The following DMC1 variants were observed in gnomAD, a reference collection of about 807,000 sequenced individuals.
DMC1 encodes DNA meiotic recombinase 1.
A neutral mutation model predicts 50.1 loss-of-function variants in DMC1; 27 were observed. That is an observed-to-expected ratio of 0.54 (90% CI 0.40 to 0.74). The LOEUF is 0.74. Among genes scored for constraint, DMC1 ranks in the 30% least tolerant of loss-of-function variants. DMC1 has a pLI of 0.00. For missense variants in DMC1, 295 were observed against 420.2 expected (o/e 0.70, Z 2.60); for synonymous variants, 148 against 136.1 (o/e 1.09, Z -0.61).
intron 12 of DMC1, among the ~76,000 whole-genome samples, chr22:38,522,730 T>G (rs1182574848): frequency 1.3e-5 from 2 of 152,250 alleles, no homozygotes; most frequent in African/African-American, 4.8e-5. Flanking sequence ...AAGTTGTGCT[T>G]GCTCCATTAA....
downstream of DMC1, among the ~76,000 whole-genome samples, chr22:38,515,193 C>T (rs374323743): frequency 3.4e-4 from 51 of 148,722 alleles, 1 homozygote; most frequent in African/African-American, 1.2e-3. Context: ...AGAAAGTAGC[C>T]GGGGCCAGGT....
At chr22:38,511,668 C>G in the DMC1 span, among the ~76,000 whole-genome samples, 1 of 151,990 alleles carries the variant, frequency 6.6e-6, no homozygotes, top group African/African-American at 2.4e-5. Flanking sequence ...GTGACACGAT[C>G]ACAGCTCACT....
intron 12 of DMC1, among the ~76,000 whole-genome samples, chr22:38,522,228 A>G (rs2090037168): frequency 1.3e-5 from 2 of 150,264 alleles, no homozygotes; most frequent in African/African-American, 2.4e-5. Flanking sequence ...TGGGGTTACA[A>G]GCACGAGCCA....
chr22:38,515,008 C>T (rs561362676), downstream of DMC1, among the ~76,000 whole-genome samples: 52 of 146,918 alleles, frequency 3.5e-4, no homozygotes, highest in East Asian at 7.3e-3. Flanking sequence ...GCTGGGACTA[C>T]AGGTGCCAGC....
chr22:38,563,483 C>G (rs991587036), intron 4 of DMC1, among the ~76,000 whole-genome samples: 1 of 152,030 alleles, frequency 6.6e-6, no homozygotes, highest in Non-Finnish European at 1.5e-5. Flanking sequence ...TTAGAACCAC[C>G]GTATTATGAA....
At chr22:38,523,314 A>G (rs986485262) in intron 12 of DMC1, among the ~76,000 whole-genome samples, 2 of 152,180 alleles carry the variant, frequency 1.3e-5, no homozygotes, top group Non-Finnish European at 2.9e-5. Context: ...AGTTGTCTCT[A>G]TAATGCTTAC....
At chr22:38,529,509 C>T (rs1426678578) in intron 12 of DMC1, among the ~76,000 whole-genome samples, 1 of 152,100 alleles carries the variant, frequency 6.6e-6, no homozygotes, top group Non-Finnish European at 1.5e-5. Flanking sequence ...GAATATTTCA[C>T]TTCTCCCCCT....
intron 5 of DMC1, among the ~76,000 whole-genome samples, chr22:38,557,963 T>A (rs906206062): frequency 1.6e-5 from 2 of 128,966 alleles, no homozygotes; most frequent in Non-Finnish European, 3.3e-5. Flanking sequence ...GTTCTTTTTT[T>A]TTTTTTTTTT....
chr22:38,548,082 T>C (rs767305553), intron 8 of DMC1, among the ~76,000 whole-genome samples: 2 of 152,216 alleles, frequency 1.3e-5, no homozygotes, highest in Non-Finnish European at 2.9e-5. Context: ...CCTCTGTCTC[T>C]GGGTTTCTCA....
Position 38,549,959 on chromosome 22 carries a change from C to T in DMC1, c.460G>A (p.Gly154Arg). The T allele has an allele frequency of 6.2e-7, 1 of 1,613,610 alleles. No homozygotes were observed. The highest frequency in any genetic ancestry group is 8.5e-7 in the Non-Finnish European group (1 of 1,179,730). ...TCTGTATCAATGAAGATAATCTTTCCTCCTGGGTAGCCACCAGCTCCTGGA... is the reference window on the plus strand; with the variant it reads ...TCTGTATCAATGAAGATAATCTTTCTTCCTGGGTAGCCACCAGCTCCTGGA... ...QLPGAGGYPG[G>R]KIIFIDTENT... Residue 154 changes from glycine (G) to arginine (R), a missense_variant, in exon 8 of 14, where the codon GGA (glycine) becomes AGA (arginine). Coordinates refer to ENST00000216024, the MANE Select transcript of DMC1 (RefSeq NM_007068.4).
the DMC1 span, among the ~76,000 whole-genome samples, chr22:38,509,730 C>T: frequency 2.0e-4 from 30 of 151,928 alleles, no homozygotes; most frequent in Non-Finnish European, 3.1e-4. Context: ...AGTGCAATGG[C>T]GCGATCTTGG....
At chr22:38,522,283 C>T (rs1312090507) in intron 12 of DMC1, among the ~76,000 whole-genome samples, 7 of 148,914 alleles carry the variant, frequency 4.7e-5, no homozygotes, top group South Asian at 2.3e-4. Flanking sequence ...TGGCTGGGCT[C>T]GGTGGCTCGT....
At chr22:38,550,228 C>A (rs2090388434) in intron 7 of DMC1, among the ~76,000 whole-genome samples, 1 of 151,676 alleles carries the variant, frequency 6.6e-6, no homozygotes, top group Admixed American at 6.6e-5. Context: ...CTATCTTTCA[C>A]AATGGAAGAT....
At chr22:38,557,755 C>T (rs1176287384) in intron 5 of DMC1, among the ~76,000 whole-genome samples, 1 of 152,010 alleles carries the variant, frequency 6.6e-6, no homozygotes, top group African/African-American at 2.4e-5. Flanking sequence ...GATAATTTGA[C>T]CTTTTTGTAA....
At chr22:38,525,663 G>A (rs1468326970) in intron 12 of DMC1, among the ~76,000 whole-genome samples, 2 of 152,166 alleles carry the variant, frequency 1.3e-5, no homozygotes, top group Non-Finnish European at 2.9e-5. Context: ...GAATGAGGCT[G>A]GGCAGAGTGG....
chr22:38,518,726 T>A (rs564635662), downstream of DMC1, among the ~76,000 whole-genome samples: 1 of 152,182 alleles, frequency 6.6e-6, no homozygotes, highest in East Asian at 1.9e-4. Context: ...GAGACGGGGT[T>A]TTGCCATATT....
At chr22:38,552,536 A>C in intron 7 of DMC1, 130 bp downstream of exon 7, 1 of 750,940 alleles carries the variant, frequency 1.3e-6, no homozygotes, top group Non-Finnish European at 2.3e-6. Flanking sequence ...CAGTTTACTT[A>C]ATCTGCCTGT....
chr22:38,538,685 G>A, intron 9 of DMC1, 73 bp from the exon 10 acceptor site: 5 of 1,291,990 alleles, frequency 3.9e-6, no homozygotes, highest in Non-Finnish European at 5.6e-6. Flanking sequence ...CATATTCTTG[G>A]GAGCCAGGCA....
At chr22:38,531,051 CAACA>C (rs1282361225) in intron 12 of DMC1, among the ~76,000 whole-genome samples, 3 of 152,128 alleles carry the variant, frequency 2.0e-5, no homozygotes, top group Non-Finnish European at 4.4e-5. Flanking sequence ...GCCTGGGTGA[CAACA>C]AACAAACAAA....
Sources: gnomAD v4.1 joint callset for allele counts (sites outside exome capture counted in the v4.1 genomes callset) on GRCh38, gnomAD v4.1.1 for gene constraint, MANE v1.5 for transcripts, NCBI Gene and HGNC (gene_info 2026-07-23, HGNC 2026-07-21) for gene names.